FOXO3: variants seen among roughly 807,000 people sequenced by gnomAD.
The protein encoded by FOXO3 is forkhead box protein O3.
FOXO3 carries 4 observed loss-of-function variants against 41.9 expected under a neutral mutation model. That is an observed-to-expected ratio of 0.10 (90% CI 0.05 to 0.22). The LOEUF (loss-of-function observed/expected upper bound fraction) is 0.22. Ranked by LOEUF, FOXO3 falls within the 10% of genes least tolerant of loss-of-function variation. The probability of loss-of-function intolerance (pLI) is 1.00; values close to 1 mark genes in which losing one functional copy is unlikely to be tolerated. For synonymous variants in FOXO3, 318 were observed against 389.3 expected, an observed-to-expected ratio of 0.82 and a Z score of 2.16; for missense variants, 534 against 906.8, an observed-to-expected ratio of 0.59 and a Z score of 5.28.
At chr6:108,625,659 G>A (rs1292217558) in intron 1 of FOXO3, among the ~76,000 whole-genome samples, 1 of 152,142 alleles carries the variant, frequency 6.6e-6, no homozygotes, top group Non-Finnish European at 1.5e-5. Context: ...AGTGTTCTCT[G>A]GAAAGACCTC....
At chr6:108,564,140 G>T (rs551893271) in intron 1 of FOXO3, among the ~76,000 whole-genome samples, 1 of 152,094 alleles carries the variant, frequency 6.6e-6, no homozygotes, top group Non-Finnish European at 1.5e-5. Context: ...AATCCTTGAC[G>T]ACTAAAGGGA....
chr6:108,568,918 A>G (rs1582729683), intron 1 of FOXO3, among the ~76,000 whole-genome samples: 1 of 151,514 alleles, frequency 6.6e-6, no homozygotes, highest in African/African-American at 2.4e-5. Flanking sequence ...TGATCTTGGG[A>G]TGACCTTGTT....
chr6:108,673,546 G>A (rs1488957022), intron 2 of FOXO3, among the ~76,000 whole-genome samples: 9 of 152,216 alleles, frequency 5.9e-5, no homozygotes. Flanking sequence ...AGCTGATTCT[G>A]TGTTTTCAGT....
chr6:108,600,256 A>G (rs1012293767), intron 1 of FOXO3, among the ~76,000 whole-genome samples: 1 of 152,082 alleles, frequency 6.6e-6, no homozygotes, highest in Admixed American at 6.6e-5. Flanking sequence ...TTATAAAACT[A>G]TGTGTGGGCC....
At chr6:108,602,533 A>G (rs550908719) in intron 1 of FOXO3, among the ~76,000 whole-genome samples, 86 of 152,130 alleles carry the variant, frequency 5.7e-4, no homozygotes, top group Non-Finnish European at 9.9e-4. Flanking sequence ...TTGGTCTAGA[A>G]TGGGGTAAAG....
intron 1 of FOXO3, among the ~76,000 whole-genome samples, chr6:108,645,540 A>G (rs917313579): frequency 6.6e-6 from 1 of 151,690 alleles, no homozygotes; most frequent in South Asian, 2.1e-4. Flanking sequence ...CCTCTTAGCT[A>G]TAAATGTATT....
Position 108,655,357 on chromosome 6 carries a change from C to T in FOXO3, c.622-8098C>T, listed in dbSNP as rs556467372. 3.3e-5 allele frequency among the ~76,000 whole-genome samples: 5 copies of T among 152,282 alleles called. No homozygotes were observed. The South Asian group carries it at 1.0e-3, about 32-fold the overall frequency. On this transcript the variant is annotated intron_variant, in intron 1 of 2. Transcript: ENST00000406360. Reference sequence around the variant, plus strand: ...CTTTAATCTCTCATCCCAGTTCTCACCTTTATCTTCTCAATGATGGAAACT... The same window carrying T: ...CTTTAATCTCTCATCCCAGTTCTCATCTTTATCTTCTCAATGATGGAAACT...
chr6:108,649,443 C>A (rs1315273404), intron 1 of FOXO3, among the ~76,000 whole-genome samples: 1 of 150,854 alleles, frequency 6.6e-6, no homozygotes, highest in African/African-American at 2.4e-5. Flanking sequence ...AAACCCCTGG[C>A]AAATTGTTCT....
chr6:108,581,144 G>A (rs192595405), intron 1 of FOXO3, among the ~76,000 whole-genome samples: 130 of 152,300 alleles, frequency 8.5e-4, no homozygotes, highest in Admixed American at 3.9e-3. Flanking sequence ...AAGCCAGTGG[G>A]TCATTTGGGT....
At chr6:108,630,898 G>A (rs909345529) in intron 1 of FOXO3, among the ~76,000 whole-genome samples, 1 of 152,090 alleles carries the variant, frequency 6.6e-6, no homozygotes, top group African/African-American at 2.4e-5. Flanking sequence ...TTACCGAAAG[G>A]CTATTAATTA....
At chr6:108,671,025 GC>G (rs1779202595) in intron 2 of FOXO3, among the ~76,000 whole-genome samples, 1 of 152,236 alleles carries the variant, frequency 6.6e-6, no homozygotes, top group Non-Finnish European at 1.5e-5. Context: ...GAAAGTGGTG[GC>G]AGTGGCGATG....
At position 108,615,232 on chromosome 6, in the gene FOXO3, G is replaced by A. The variant is rs76803843; in HGVS notation, c.622-48223G>A. On this transcript the variant is annotated intron_variant, in intron 1 of 2. Coordinates refer to ENST00000406360, the MANE Select transcript of FOXO3 (RefSeq NM_001455.4). ...TCCTTTAAGTTCAGATGCCCATCTG[G>A]TATCATTTTCTCTCTGCTTGATGAA... Among the ~76,000 whole-genome samples, 1,456 of 152,004 alleles carry A rather than the reference G, an allele frequency of 9.6e-3. 24 individuals carry two copies. The highest frequency in any genetic ancestry group is 0.033 in the African/African-American group (1,380 of 41,462).
chr6:108,654,917 ACT>A (rs993293338), intron 1 of FOXO3, among the ~76,000 whole-genome samples: 5 of 152,042 alleles, frequency 3.3e-5, no homozygotes, highest in Non-Finnish European at 5.9e-5. Flanking sequence ...TGACGTAATA[ACT>A]CTCTCTGATC....
chr6:108,610,628 A>G (rs1314970690), intron 1 of FOXO3, among the ~76,000 whole-genome samples: 2 of 152,318 alleles, frequency 1.3e-5, no homozygotes, highest in East Asian at 3.9e-4. Flanking sequence ...AGTCTGAGGC[A>G]TTTAAATACA....
intron 1 of FOXO3, among the ~76,000 whole-genome samples, chr6:108,591,998 T>C (rs13220810): frequency 0.17 from 26,533 of 151,924 alleles, 2,908 homozygotes; most frequent in Non-Finnish European, 0.25. Flanking sequence ...GTCAAAAACA[T>C]TGTGAGAGAA....
chr6:108,587,272 C>T (rs542937242), intron 1 of FOXO3, among the ~76,000 whole-genome samples: 2 of 152,208 alleles, frequency 1.3e-5, no homozygotes, highest in South Asian at 2.1e-4. Context: ...GTTTTCTCAC[C>T]TCTACCAGGG....
rs994254279 is a variant in FOXO3, at chr6:108,561,149, C to A, written c.-60C>A. 1.2e-5 allele frequency: 18 copies of A among 1,492,590 alleles called. No homozygotes were observed. The South Asian group carries it at 2.2e-4, about 18-fold the overall frequency. 92.5% of individuals were successfully genotyped at this position (1,492,590 alleles called of 1,614,324 possible). A position where few individuals can be genotyped will look rare whatever the true frequency, so the allele number is the denominator to read the frequency against. On this transcript the variant is annotated 5_prime_UTR_variant, in exon 1 of 3. Coordinates refer to ENST00000406360, the MANE Select transcript of FOXO3 (RefSeq NM_001455.4). ...CGTCCACGTCCCTCCCCCGCTGCACCCCGCCCCGGCGCGAGAGGAGAGCGC... is the reference window on the plus strand; with the variant it reads ...CGTCCACGTCCCTCCCCCGCTGCACACCGCCCCGGCGCGAGAGGAGAGCGC...
chr6:108,619,088 T>A (rs1777598047), intron 1 of FOXO3, among the ~76,000 whole-genome samples: 1 of 152,256 alleles, frequency 6.6e-6, no homozygotes, highest in Admixed American at 6.5e-5. Context: ...GTGTTTTGCC[T>A]GGTTTTCTAG....
At chr6:108,584,148 A>C (rs1370445104) in intron 1 of FOXO3, among the ~76,000 whole-genome samples, 1 of 152,192 alleles carries the variant, frequency 6.6e-6, no homozygotes, top group Non-Finnish European at 1.5e-5. Context: ...ATGGACATAC[A>C]AGTGGGCATT....
Sources: gnomAD v4.1 joint callset for allele counts (sites outside exome capture counted in the v4.1 genomes callset) on GRCh38, gnomAD v4.1.1 for gene constraint, MANE v1.5 for transcripts, NCBI Gene and HGNC (gene_info 2026-07-23, HGNC 2026-07-21) for gene names.